The following UBE2R2 variants were observed in gnomAD, a reference collection of about 807,000 sequenced individuals.
UBE2R2 encodes the protein ubiquitin-conjugating enzyme E2 R2.
A neutral mutation model predicts 27.8 loss-of-function variants in UBE2R2; 1 was observed. The observed-to-expected ratio is 0.04, with a 90% CI of 0.01 to 0.17. UBE2R2 has a LOEUF of 0.17. Ranked by LOEUF, UBE2R2 falls within the 10% of genes least tolerant of loss-of-function variation. The probability of loss-of-function intolerance (pLI) is 1.00; values close to 1 mark genes in which losing one functional copy is unlikely to be tolerated. For synonymous variants in UBE2R2, 106 were observed against 113.3 expected (o/e 0.94, Z 0.41); for missense variants, 100 against 291.0 (o/e 0.34, Z 4.78).
intron 3 of UBE2R2, among the ~76,000 whole-genome samples, chr9:33,903,749 A>C (rs1273962806): frequency 6.6e-6 from 1 of 152,040 alleles, no homozygotes; most frequent in African/African-American, 2.4e-5. Flanking sequence ...TTGTTTCCTC[A>C]CACTTGAGTC....
intron 1 of UBE2R2, among the ~76,000 whole-genome samples, chr9:33,877,825 C>CTGTCTGTCTGTCTGTCTGTCTG (rs760584943): frequency 1.4e-5 from 2 of 143,640 alleles, no homozygotes; most frequent in African/African-American, 2.7e-5. Flanking sequence ...GTCTGTCTGT[C>CTGTCTGTCTGTCTGTCTGTCTG]TCTCTCTCTC....
chr9:33,871,098 T>G lies in UBE2R2; in HGVS notation c.178-15783T>G, dbSNP rs73490809. 9.0e-3 allele frequency among the ~76,000 whole-genome samples: 1,368 copies of G among 152,344 alleles called. 21 individuals are homozygous for G. Among genetic ancestry groups the G allele is most frequent in the African/African-American group, 0.031 (1,280 of 41,588 alleles). On this transcript the variant is annotated intron_variant, in intron 1 of 4. Coordinates refer to ENST00000263228, the MANE Select transcript of UBE2R2 (RefSeq NM_017811.4). ...GTAGTACCCCTTTGTAAATTTTACC[T>G]GAATGTCTCAGCCAGAATTAGGCAT...
At chr9:33,845,773 T>C (rs1198285531) in intron 1 of UBE2R2, among the ~76,000 whole-genome samples, 1 of 151,708 alleles carries the variant, frequency 6.6e-6, no homozygotes. Flanking sequence ...TTTGGGAGGC[T>C]GAGTCGGGCA....
At chr9:33,897,605 A>G (rs1407295655) in intron 2 of UBE2R2, among the ~76,000 whole-genome samples, 2 of 151,868 alleles carry the variant, frequency 1.3e-5, no homozygotes, top group East Asian at 3.9e-4. Context: ...GGCGTGAGCC[A>G]CTGCACCTGG....
intron 1 of UBE2R2, among the ~76,000 whole-genome samples, chr9:33,875,625 A>G (rs923768378): frequency 1.3e-5 from 2 of 152,196 alleles, no homozygotes; most frequent in Non-Finnish European, 1.5e-5. Context: ...TAAAATTTGT[A>G]TATGATCCTC....
intron 4 of UBE2R2, among the ~76,000 whole-genome samples, chr9:33,914,557 T>C (rs746294306): frequency 6.6e-6 from 1 of 152,144 alleles, no homozygotes. Flanking sequence ...ATTGGCTGCC[T>C]GGTGTGGTAG....
At position 33,913,552 on chromosome 9, in the gene UBE2R2, G is replaced by A. The variant is rs78206732; in HGVS notation, c.497+1454G>A. ...TCTGGGATTATAGGTGTGAGCCACC[G>A]TGCCTGGCCTCCACCCCCCTTGATA... On this transcript the variant is annotated intron_variant, in intron 4 of 4. Transcript: ENST00000263228. 8.4e-3 allele frequency among the ~76,000 whole-genome samples: 1,279 copies of A among 152,184 alleles called. 11 individuals are homozygous for A. Among genetic ancestry groups the A allele is most frequent in the South Asian group, 0.034 (166 of 4,820 alleles).
intron 3 of UBE2R2, among the ~76,000 whole-genome samples, chr9:33,911,183 C>T (rs1239254242): frequency 6.6e-5 from 10 of 151,718 alleles, no homozygotes; most frequent in African/African-American, 2.2e-4. Context: ...TTGAGGAGGG[C>T]GGATCACCTG....
intron 1 of UBE2R2, among the ~76,000 whole-genome samples, chr9:33,856,571 T>C (rs141800799): frequency 6.6e-6 from 1 of 152,272 alleles, no homozygotes; most frequent in East Asian, 1.9e-4. Context: ...TCCCTTCCTT[T>C]ATCTTTCCCA....
upstream of UBE2R2, among the ~76,000 whole-genome samples, chr9:33,815,590 C>T (rs1473675656): frequency 6.6e-6 from 1 of 152,084 alleles, no homozygotes; most frequent in African/African-American, 2.4e-5. Context: ...ACTAAAAATA[C>T]AAAAATTAGC....
intron 1 of UBE2R2, among the ~76,000 whole-genome samples, chr9:33,864,169 A>G (rs1047170319): frequency 6.6e-6 from 1 of 152,110 alleles, no homozygotes; most frequent in African/African-American, 2.4e-5. Context: ...ATGTAAGTAT[A>G]TGAGGTGTTA....
chr9:33,854,405 C>T (rs557994781), intron 1 of UBE2R2, among the ~76,000 whole-genome samples: 7 of 151,968 alleles, frequency 4.6e-5, no homozygotes, highest in South Asian at 4.2e-4. Flanking sequence ...CTGCAACTTC[C>T]GCCTCCTGGA....
intron 4 of UBE2R2, among the ~76,000 whole-genome samples, chr9:33,916,579 A>G (rs1382025718): frequency 6.6e-6 from 1 of 152,166 alleles, no homozygotes; most frequent in East Asian, 1.9e-4. Flanking sequence ...AGAAACTAGG[A>G]GGCGTATTAG....
intron 2 of UBE2R2, among the ~76,000 whole-genome samples, chr9:33,894,159 C>T (rs1458316994): frequency 6.6e-6 from 1 of 152,032 alleles, no homozygotes; most frequent in African/African-American, 2.4e-5. Flanking sequence ...AGGCTAGGTG[C>T]AGTGGCTCAC....
intron 1 of UBE2R2, among the ~76,000 whole-genome samples, chr9:33,885,231 G>A (rs1821831263): frequency 6.6e-6 from 1 of 152,186 alleles, no homozygotes; most frequent in Non-Finnish European, 1.5e-5. Context: ...ATAGTGCTGG[G>A]CATGTGCATA....
At chr9:33,876,927 A>G (rs1821616851) in intron 1 of UBE2R2, among the ~76,000 whole-genome samples, 1 of 151,410 alleles carries the variant, frequency 6.6e-6, no homozygotes, top group Non-Finnish European at 1.5e-5. Context: ...AACAAATAAA[A>G]TAAATAAGAG....
intron 1 of UBE2R2, among the ~76,000 whole-genome samples, chr9:33,824,181 C>A (rs1193841392): frequency 1.3e-5 from 2 of 152,136 alleles, no homozygotes; most frequent in African/African-American, 4.8e-5. Flanking sequence ...TACCTTTTAA[C>A]TTCTTTTTGA....
intron 3 of UBE2R2, among the ~76,000 whole-genome samples, chr9:33,906,440 T>G (rs2130815734): frequency 6.6e-6 from 1 of 152,090 alleles, no homozygotes; most frequent in South Asian, 2.1e-4. Context: ...GATTTTTTGG[T>G]TTTTAGGAAT....
At chr9:33,896,236 G>A (rs1822101680) in intron 2 of UBE2R2, among the ~76,000 whole-genome samples, 1 of 152,040 alleles carries the variant, frequency 6.6e-6, no homozygotes, top group African/African-American at 2.4e-5. Flanking sequence ...ATAGGATCAT[G>A]TCATCTGTGT....
Sources: gnomAD v4.1 joint callset for allele counts (sites outside exome capture counted in the v4.1 genomes callset) on GRCh38, gnomAD v4.1.1 for gene constraint, MANE v1.5 for transcripts, NCBI Gene and HGNC (gene_info 2026-07-23, HGNC 2026-07-21) for gene names.